SH3PXD2B: variants seen among roughly 807,000 people sequenced by gnomAD.
SH3PXD2B encodes the protein SH3 and PX domains 2B, also known as SH3 and PX domain-containing protein 2B.
SH3PXD2B carries 37 observed loss-of-function variants against 73.1 expected under a neutral mutation model. That is an observed-to-expected ratio of 0.51 (90% CI 0.39 to 0.67). The LOEUF (loss-of-function observed/expected upper bound fraction) is 0.67, where lower values mean the gene tolerates loss of function less well. Among genes scored for constraint, SH3PXD2B ranks in the 30% least tolerant of loss-of-function variants. The pLI, the probability that SH3PXD2B is intolerant of heterozygous loss-of-function variation, is 0.00. For synonymous variants in SH3PXD2B, 457 were observed against 480.5 expected (o/e 0.95, Z 0.64); for missense variants, 1,053 against 1,197.8 (o/e 0.88, Z 1.78).
At chr5:172,377,641 G>A (rs1207984361) in intron 5 of SH3PXD2B, among the ~76,000 whole-genome samples, 4 of 152,170 alleles carry the variant, frequency 2.6e-5, no homozygotes, top group African/African-American at 9.7e-5. Context: ...CAAGTCATTT[G>A]TCCAAGGTCA....
At position 172,335,462 on chromosome 5, in the gene SH3PXD2B, C is replaced by T; in HGVS notation, c.*2907G>A. 1.6e-6 allele frequency: 2 copies of T among 1,230,740 alleles called. No homozygotes were observed. 76.2% of individuals were successfully genotyped at this position (1,230,740 alleles called of 1,614,324 possible). On this transcript the variant is annotated 3_prime_UTR_variant, in exon 13 of 13. Transcript: ENST00000311601. The stretch of plus-strand genomic sequence containing the variant: ...AACCAAACAAACCCAAACTCGAGAT[C>T]TCAGTCCCAGCTTGGCCACTATTTG...
intron 7 of SH3PXD2B, 84 bp from the exon 8 acceptor site, chr5:172,358,961 G>T: frequency 7.8e-7 from 1 of 1,288,472 alleles, no homozygotes; most frequent in Non-Finnish European, 1.1e-6. Context: ...TTCAGCCACT[G>T]TACCAGTGAA....
At position 172,335,700 on chromosome 5, in the gene SH3PXD2B, T is replaced by C. The variant is rs1191200848; in HGVS notation, c.*2669A>G. 3 of 1,231,560 alleles carry C rather than the reference T, an allele frequency of 2.4e-6. No individual in the cohort carries two copies. The highest frequency in any genetic ancestry group is 3.1e-5 in the African/African-American group (2 of 64,398). 76.3% of individuals were successfully genotyped at this position (1,231,560 alleles called of 1,614,324 possible). A position where few individuals can be genotyped will look rare whatever the true frequency, so the allele number is the denominator to read the frequency against. The stretch of plus-strand genomic sequence containing the variant: ...TATGCGCCATCAATCGCTCACAGAA[T>C]AGCGACCACAGTCCTGGATGGGGTA... On this transcript the variant is annotated 3_prime_UTR_variant, in exon 13 of 13. Coordinates refer to ENST00000311601, the MANE Select transcript of SH3PXD2B (RefSeq NM_001017995.3).
At position 172,339,423 on chromosome 5, in the gene SH3PXD2B, A is replaced by T; in HGVS notation, c.1682T>A (p.Leu561Ter). The T allele has an allele frequency of 6.2e-7, 1 of 1,614,166 alleles. No individual in the cohort carries two copies. ...GPTPKPPGVI[L>*]PMMPAKHIPP... ...GATGTGTTTGGCTGGCATCATCGGC[A>T]AAATCACGCCCGGAGGCTTGGGAGT... The change falls in exon 13 of 13, where the codon TTG becomes TAG. Residue 561 changes from leucine to a stop codon, truncating the protein, a stop_gained. Coordinates refer to ENST00000311601, the MANE Select transcript of SH3PXD2B (RefSeq NM_001017995.3). LOFTEE classifies it high-confidence loss of function. The surrounding 1 kb of genome is among the most constrained non-coding windows in gnomAD (Gnocchi z 6.1).
intron 1 of SH3PXD2B, among the ~76,000 whole-genome samples, chr5:172,427,503 G>A (rs1759123771): frequency 6.6e-6 from 1 of 152,078 alleles, no homozygotes; most frequent in East Asian, 1.9e-4. Flanking sequence ...GTGCCATTAT[G>A]CCTGGTTAAT....
chr5:172,329,540 C>CTTTTTTTTTTTTTTTTTT (rs370876232), downstream of SH3PXD2B, among the ~76,000 whole-genome samples: 20 of 106,454 alleles, frequency 1.9e-4, 1 homozygote, highest in African/African-American at 5.4e-4. Flanking sequence ...CTTTGTTATT[C>CTTTTTTTTTTTTTTTTTT]TTTTTTTTTT....
At chr5:172,431,447 C>T (rs1387342874) in intron 1 of SH3PXD2B, among the ~76,000 whole-genome samples, 5 of 152,196 alleles carry the variant, frequency 3.3e-5, no homozygotes, top group African/African-American at 1.2e-4. Flanking sequence ...CAGGCCTGCC[C>T]GCCCACCGGA....
At chr5:172,403,517 C>A (rs889254925) in intron 3 of SH3PXD2B, among the ~76,000 whole-genome samples, 1 of 152,200 alleles carries the variant, frequency 6.6e-6, no homozygotes, top group African/African-American at 2.4e-5. Flanking sequence ...CCTCTCCAAG[C>A]CACAAGTGGG....
chr5:172,424,966 T>A (rs761758003), intron 1 of SH3PXD2B, among the ~76,000 whole-genome samples: 1 of 152,112 alleles, frequency 6.6e-6, no homozygotes, highest in African/African-American at 2.4e-5. Context: ...GATTTGGGCA[T>A]CCAGCCCACC....
intron 2 of SH3PXD2B, among the ~76,000 whole-genome samples, chr5:172,414,801 G>C (rs372225796): frequency 2.6e-5 from 4 of 152,204 alleles, no homozygotes; most frequent in African/African-American, 9.6e-5. Flanking sequence ...GAGTGACTCA[G>C]CTGGTTCTGT....
chr5:172,341,751 C>T (rs535392322), intron 12 of SH3PXD2B, among the ~76,000 whole-genome samples: 6 of 152,234 alleles, frequency 3.9e-5, no homozygotes, highest in East Asian at 1.9e-4. Flanking sequence ...CCTGGGTTCA[C>T]GCCATTCTCC....
At chr5:172,443,520 C>G (rs978779963) in intron 1 of SH3PXD2B, among the ~76,000 whole-genome samples, 1 of 152,258 alleles carries the variant, frequency 6.6e-6, no homozygotes, top group South Asian at 2.1e-4. Flanking sequence ...ACTCCAGGCC[C>G]TGTCGCAGCC....
chr5:172,437,621 C>T (rs1231220293), intron 1 of SH3PXD2B, among the ~76,000 whole-genome samples: 1 of 152,236 alleles, frequency 6.6e-6, no homozygotes, highest in Admixed American at 6.5e-5. Flanking sequence ...CAGGAATCAC[C>T]AAGCTCAGGC....
chr5:172,450,907 C>T (rs191480372), intron 1 of SH3PXD2B, among the ~76,000 whole-genome samples: 38 of 152,338 alleles, frequency 2.5e-4, no homozygotes, highest in African/African-American at 8.9e-4. Context: ...TCTTCATCTC[C>T]CTGCTTCCAA....
chr5:172,343,525 G>A (rs987920207), intron 12 of SH3PXD2B, among the ~76,000 whole-genome samples: 1 of 152,216 alleles, frequency 6.6e-6, no homozygotes, highest in East Asian at 1.9e-4. Context: ...CAGAAGCCGG[G>A]TGCGGTGGCT....
chr5:172,338,375 CTTCT>C lies in SH3PXD2B; in HGVS notation c.2726_2729del (p.Lys909SerfsTer44). Reference sequence around the variant, plus strand: ...TAGGCAGAAAGGGAGTCGGCTACGGCTTCTTTCTGAGATAGTTGGAAGGAATCCA... The same window carrying C: ...TAGGCAGAAAGGGAGTCGGCTACGGCTTCTGAGATAGTTGGAAGGAATCCA... On this transcript the variant is annotated frameshift_variant, in exon 13 of 13. Coordinates refer to ENST00000311601, the MANE Select transcript of SH3PXD2B (RefSeq NM_001017995.3). LOFTEE classifies it high-confidence loss of function. The surrounding 1 kb of genome is among the most constrained non-coding windows in gnomAD (Gnocchi z 5.1). 2 of 1,614,108 alleles carry C rather than the reference CTTCT, an allele frequency of 1.2e-6. No individual in the cohort carries two copies. The highest frequency in any genetic ancestry group is 1.7e-6 in the Non-Finnish European group (2 of 1,180,038).
intron 1 of SH3PXD2B, among the ~76,000 whole-genome samples, chr5:172,443,924 G>A (rs569874120): frequency 6.6e-6 from 1 of 152,374 alleles, no homozygotes; most frequent in African/African-American, 2.4e-5. Flanking sequence ...AGGCAGGGGA[G>A]CCAAAAGTGA....
At chr5:172,439,982 G>A (rs1413473769) in intron 1 of SH3PXD2B, among the ~76,000 whole-genome samples, 1 of 152,172 alleles carries the variant, frequency 6.6e-6, no homozygotes, top group Non-Finnish European at 1.5e-5. Flanking sequence ...GGCAAGCAGA[G>A]GTGCTGGCAG....
intron 7 of SH3PXD2B, among the ~76,000 whole-genome samples, chr5:172,360,949 C>T (rs139972012): frequency 2.6e-5 from 4 of 152,140 alleles, no homozygotes; most frequent in African/African-American, 9.6e-5. Context: ...CACTGGAGTA[C>T]GAATATGAAT....
Sources: allele counts gnomAD v4.1 joint callset (sites outside exome capture counted in the v4.1 genomes callset), GRCh38; gene constraint gnomAD v4.1.1; non-coding constraint Gnocchi (gnomAD v3.1); transcripts MANE v1.5; gene names NCBI Gene and HGNC (gene_info 2026-07-23, HGNC 2026-07-21).